The following RBFOX1 variants were observed in gnomAD, a reference collection of about 807,000 sequenced individuals.
RBFOX1 encodes RNA binding fox-1 homolog 1.
Under a neutral mutation model 57.7 loss-of-function variants are expected in RBFOX1, and 8 were observed. The observed-to-expected ratio is 0.14, with a 90% CI of 0.08 to 0.25. The LOEUF (loss-of-function observed/expected upper bound fraction) is 0.25, where lower values mean the gene tolerates loss of function less well. Ranked by LOEUF, RBFOX1 falls within the 10% of genes least tolerant of loss-of-function variation. RBFOX1 has a pLI of 1.00. For synonymous variants in RBFOX1, 326 were observed against 222.4 expected, an observed-to-expected ratio of 1.47 and a Z score of -4.15; for missense variants, 611 against 548.5, an observed-to-expected ratio of 1.11 and a Z score of -1.14.
intron 3 of RBFOX1, among the ~76,000 whole-genome samples, chr16:5,685,191 A>G (rs2050467700): frequency 6.6e-6 from 1 of 152,226 alleles, no homozygotes. Flanking sequence ...CAGCTCCAAG[A>G]AGGAGATATC....
chr16:5,555,751 G>A (rs2045645924), intron 2 of RBFOX1, among the ~76,000 whole-genome samples: 2 of 151,968 alleles, frequency 1.3e-5, no homozygotes, highest in African/African-American at 4.8e-5. Context: ...GCTGGGTGCA[G>A]TGGCTCATGC....
At chr16:7,657,780 G>A (rs1353765199) in intron 12 of RBFOX1, among the ~76,000 whole-genome samples, 1 of 152,178 alleles carries the variant, frequency 6.6e-6, no homozygotes, top group Admixed American at 6.5e-5. Flanking sequence ...GGTAGGGAAA[G>A]TTGTGGACCA....
intron 1 of RBFOX1, among the ~76,000 whole-genome samples, chr16:6,148,516 A>G (rs2096775318): frequency 6.6e-6 from 1 of 152,132 alleles, no homozygotes; most frequent in African/African-American, 2.4e-5. Context: ...CTCAGGTTGA[A>G]TCTCACCACC....
At chr16:7,408,340 C>G (rs891852281) in intron 4 of RBFOX1, among the ~76,000 whole-genome samples, 2 of 152,110 alleles carry the variant, frequency 1.3e-5, no homozygotes, top group African/African-American at 4.8e-5. Context: ...AATACGGCGA[C>G]TGTATTCATT....
chr16:5,557,202 G>A (rs1337566052), intron 2 of RBFOX1, among the ~76,000 whole-genome samples: 2 of 152,012 alleles, frequency 1.3e-5, no homozygotes, highest in Non-Finnish European at 2.9e-5. Flanking sequence ...AGAGGTTGCA[G>A]TGAGCCGGGA....
rs530382969 is a variant in RBFOX1 at position 7,247,377 on chromosome 16, A to G, written c.27+195279A>G. Reference sequence around the variant, plus strand: ...ACGGGTAGGAAAGTACACTCTGCCCATGGAGGTGGAGAAGGAGCAAATACT... The same window carrying G: ...ACGGGTAGGAAAGTACACTCTGCCCGTGGAGGTGGAGAAGGAGCAAATACT... On this transcript the variant is annotated intron_variant, in intron 4 of 15. Coordinates refer to ENST00000550418, the MANE Select transcript of RBFOX1 (RefSeq NM_018723.4). Among the ~76,000 whole-genome samples, 18 of 152,292 alleles carry G rather than the reference A, an allele frequency of 1.2e-4. No individual in the cohort carries two copies. In the South Asian group the frequency reaches 3.1e-3, roughly 26 times the overall value.
At position 6,139,482 on chromosome 16, in the gene RBFOX1, AAG is replaced by A. The variant is rs780008090; in HGVS notation, c.-127+119495_-127+119496del. 3.8e-4 allele frequency among the ~76,000 whole-genome samples: 58 copies of A among 152,304 alleles called. No individual in the cohort carries two copies. The East Asian group carries it at 8.9e-3, about 23-fold the overall frequency. On this transcript the variant is annotated intron_variant, in intron 1 of 15. Transcript: ENST00000550418. ...TGCCCATTCAGCACAGTTCAGCCTG[AAG>A]AGAGTCATGTGTTTGTATTTAAGAT...
chr16:6,550,399 G>C (rs111329085), intron 2 of RBFOX1, among the ~76,000 whole-genome samples: 1 of 152,136 alleles, frequency 6.6e-6, no homozygotes, highest in Non-Finnish European at 1.5e-5. Flanking sequence ...CTGGTCTCCA[G>C]TTCATGGCCT....
At chr16:7,044,325 G>A (rs183520750) in intron 3 of RBFOX1, among the ~76,000 whole-genome samples, 1 of 152,216 alleles carries the variant, frequency 6.6e-6, no homozygotes, top group African/African-American at 2.4e-5. Flanking sequence ...AGTCTGATGT[G>A]TGGGAGAGAA....
intron 5 of RBFOX1, among the ~76,000 whole-genome samples, chr16:7,553,752 AG>A (rs552004236): frequency 3.5e-4 from 53 of 152,344 alleles, no homozygotes; most frequent in African/African-American, 1.2e-3. Flanking sequence ...TCCATATGTT[AG>A]GGTAATCACA....
At chr16:7,503,515 T>A (rs936934377) in intron 4 of RBFOX1, among the ~76,000 whole-genome samples, 1 of 152,166 alleles carries the variant, frequency 6.6e-6, no homozygotes, top group African/African-American at 2.4e-5. Flanking sequence ...CCTTGTGGAT[T>A]TGGTTAAATG....
At chr16:7,399,869 A>G (rs935473209) in intron 4 of RBFOX1, among the ~76,000 whole-genome samples, 7 of 152,210 alleles carry the variant, frequency 4.6e-5, no homozygotes, top group African/African-American at 1.2e-4. Context: ...ATTGTGAACT[A>G]TCCTTGCATG....
chr16:6,365,665 G>A (rs1270324022), intron 2 of RBFOX1, among the ~76,000 whole-genome samples: 1 of 152,174 alleles, frequency 6.6e-6, no homozygotes, highest in Non-Finnish European at 1.5e-5. Context: ...ATGTTTTGAA[G>A]CAATGTGGTA....
rs574914419 is a variant in RBFOX1, at chr16:6,379,785, C to T, written c.-64+62728C>T. Reference sequence around the variant, plus strand: ...AAAATCATTGATGAGAAACTAGAGACAGTCAGTTCCACTAAGTTTTGTTGT... The same window carrying T: ...AAAATCATTGATGAGAAACTAGAGATAGTCAGTTCCACTAAGTTTTGTTGT... On this transcript the variant is annotated intron_variant, in intron 2 of 15. Transcript: ENST00000550418. 3.5e-3 allele frequency among the ~76,000 whole-genome samples: 526 copies of T among 151,574 alleles called. 1 individual carries two copies. Among genetic ancestry groups the T allele is most frequent in the Non-Finnish European group, 6.5e-3 (443 of 67,964 alleles).
upstream of RBFOX1, among the ~76,000 whole-genome samples, chr16:6,018,744 G>T (rs1346616673): frequency 1.3e-5 from 2 of 152,176 alleles, no homozygotes; most frequent in Admixed American, 1.3e-4. Flanking sequence ...CGTCTCTAGT[G>T]GGGGATTTGT....
At chr16:5,314,279 T>C (rs770954660) in intron 1 of RBFOX1, among the ~76,000 whole-genome samples, 1 of 152,170 alleles carries the variant, frequency 6.6e-6, no homozygotes, top group Non-Finnish European at 1.5e-5. Flanking sequence ...AACCAGCCTT[T>C]GTGTGGATGT....
chr16:6,742,056 C>G (rs2154183460), intron 3 of RBFOX1, among the ~76,000 whole-genome samples: 1 of 152,174 alleles, frequency 6.6e-6, no homozygotes, highest in Middle Eastern at 3.4e-3. Context: ...GTTAGCCATT[C>G]TACAGTGTAT....
intron 4 of RBFOX1, among the ~76,000 whole-genome samples, chr16:7,189,925 G>C (rs141662199): frequency 1.3e-5 from 2 of 152,358 alleles, no homozygotes; most frequent in East Asian, 3.9e-4. Context: ...AATTGAAATA[G>C]AAGAGCTTGG....
intron 2 of RBFOX1, among the ~76,000 whole-genome samples, chr16:6,420,387 C>G (rs979688705): frequency 2.6e-5 from 4 of 151,740 alleles, no homozygotes; most frequent in African/African-American, 9.7e-5. Flanking sequence ...TTTACACTTT[C>G]AACATTTTCT....
Sources: gnomAD v4.1 joint callset for allele counts (sites outside exome capture counted in the v4.1 genomes callset) on GRCh38, gnomAD v4.1.1 for gene constraint, MANE v1.5 for transcripts, NCBI Gene and HGNC (gene_info 2026-07-23, HGNC 2026-07-21) for gene names.